RAPGEF4: variants seen among roughly 807,000 people sequenced by gnomAD.
RAPGEF4 encodes Rap guanine nucleotide exchange factor 4, also known as RAP guanine-nucleotide-exchange factor (GEF) 4.
Under a neutral mutation model 147.9 loss-of-function variants are expected in RAPGEF4, and 66 were observed. That is an observed-to-expected ratio of 0.45 (90% CI 0.37 to 0.55). RAPGEF4 has a LOEUF of 0.55. Ranked by LOEUF, RAPGEF4 falls within the 20% of genes least tolerant of loss-of-function variation. The pLI is 0.00. For missense variants in RAPGEF4, 1,071 were observed against 1,257.3 expected (o/e 0.85, Z 2.24); for synonymous variants, 419 against 442.7 (o/e 0.95, Z 0.67).
intron 1 of RAPGEF4, among the ~76,000 whole-genome samples, chr2:172,741,253 C>G (rs772310986): frequency 9.9e-5 from 15 of 152,244 alleles, no homozygotes; most frequent in Non-Finnish European, 2.1e-4. Flanking sequence ...ATTGTAATGG[C>G]CTGCTTACTT....
In RAPGEF4 at chr2:172,735,914, G is replaced by GGGCGGA; in HGVS notation, c.-65_-60dup. The GGGCGGA allele has an allele frequency of 2.3e-6, 3 of 1,314,644 alleles. No homozygotes were observed. The highest frequency in any genetic ancestry group is 3.4e-5 in the East Asian group (1 of 29,040). 81.4% of individuals were successfully genotyped at this position (1,314,644 alleles called of 1,614,324 possible). ...GGGGTCCGCGCGGCGGACGAGGCGG[G>GGGCGGA]GGCGGAGGCGCAGGCAGAGCGAGCG... is the stretch of plus-strand genomic sequence containing the variant. On this transcript the variant is annotated 5_prime_UTR_variant, in exon 1 of 31. Coordinates refer to ENST00000397081, the MANE Select transcript of RAPGEF4 (RefSeq NM_007023.4).
At chr2:172,952,222 C>G (rs897808292) in intron 6 of RAPGEF4, among the ~76,000 whole-genome samples, 2 of 152,016 alleles carry the variant, frequency 1.3e-5, no homozygotes, top group Non-Finnish European at 2.9e-5. Flanking sequence ...CATAGTGTTC[C>G]AGCCCTTTTG....
At position 173,020,696 on chromosome 2, in the gene RAPGEF4, G is replaced by T; in HGVS notation, c.2234G>T (p.Arg745Leu). The T allele has an allele frequency of 1.2e-6, 2 of 1,613,760 alleles. No individual in the cohort carries two copies. Among genetic ancestry groups the T allele is most frequent in the South Asian group, 1.1e-5 (1 of 91,010 alleles). Residue 745 changes from arginine to leucine, a missense_variant, in exon 23 of 31, where the codon CGA becomes CTA. Coordinates refer to ENST00000397081, the MANE Select transcript of RAPGEF4 (RefSeq NM_007023.4). Reference sequence around the variant, plus strand: ...AATGGACGCCTGTTTGCTTGCCCGCGAGAGCAATTCGATTCACTGGTAGGT... The same window carrying T: ...AATGGACGCCTGTTTGCTTGCCCGCTAGAGCAATTCGATTCACTGGTAGGT... ...TINGRLFACP[R>L]EQFDSLTPLP... is the part of the protein sequence containing the mutation.
intron 6 of RAPGEF4, among the ~76,000 whole-genome samples, chr2:172,933,251 G>A (rs1686175967): frequency 6.6e-6 from 1 of 152,036 alleles, no homozygotes; most frequent in Admixed American, 6.6e-5. Flanking sequence ...GAGTTGCAGT[G>A]GAGGGGTGGA....
At chr2:172,759,811 A>T (rs946042659) in intron 1 of RAPGEF4, among the ~76,000 whole-genome samples, 2 of 152,252 alleles carry the variant, frequency 1.3e-5, no homozygotes, top group Non-Finnish European at 2.9e-5. Context: ...ATTCTGGATA[A>T]GATGGAGTGG....
chr2:172,844,054 G>A (rs966200054), intron 4 of RAPGEF4, among the ~76,000 whole-genome samples: 2 of 152,230 alleles, frequency 1.3e-5, no homozygotes, highest in African/African-American at 4.8e-5. Context: ...TTTACATAAA[G>A]AAGAAGCTGA....
At chr2:172,835,958 T>C (rs1191756933) in intron 4 of RAPGEF4, among the ~76,000 whole-genome samples, 1 of 152,176 alleles carries the variant, frequency 6.6e-6, no homozygotes, top group Non-Finnish European at 1.5e-5. Flanking sequence ...TTGAGTATCA[T>C]TCTTCCAATC....
intron 4 of RAPGEF4, among the ~76,000 whole-genome samples, chr2:172,814,891 T>G (rs1157495567): frequency 6.6e-6 from 1 of 152,214 alleles, no homozygotes; most frequent in Non-Finnish European, 1.5e-5. Flanking sequence ...TGGAGGTACA[T>G]AAAGATGTCT....
At chr2:172,756,128 G>A (rs1695751910) in intron 1 of RAPGEF4, among the ~76,000 whole-genome samples, 2 of 152,298 alleles carry the variant, frequency 1.3e-5, no homozygotes, top group Admixed American at 6.5e-5. Context: ...TATTTCTATA[G>A]GACTCTGCTC....
chr2:172,823,544 A>C (rs745576438), intron 4 of RAPGEF4, among the ~76,000 whole-genome samples: 21 of 152,298 alleles, frequency 1.4e-4, no homozygotes, highest in Non-Finnish European at 2.5e-4. Context: ...GATACTGTTA[A>C]GCGCTTTATG....
intron 4 of RAPGEF4, among the ~76,000 whole-genome samples, chr2:172,821,420 C>T (rs16860931): frequency 0.011 from 1,716 of 152,282 alleles, 33 homozygotes; most frequent in African/African-American, 0.037. Context: ...TTTTGGCAAC[C>T]TTGGAGCTTG....
intron 4 of RAPGEF4, among the ~76,000 whole-genome samples, chr2:172,855,002 C>T (rs1203195035): frequency 3.3e-5 from 5 of 152,098 alleles, no homozygotes; most frequent in Non-Finnish European, 7.4e-5. Flanking sequence ...CTTTAAAGAA[C>T]ATAGCTTTGA....
At chr2:172,831,766 C>T (rs1690381501) in intron 4 of RAPGEF4, among the ~76,000 whole-genome samples, 1 of 151,944 alleles carries the variant, frequency 6.6e-6, no homozygotes, top group Non-Finnish European at 1.5e-5. Context: ...AAATTGGTAC[C>T]ATGCTAGTAA....
At chr2:172,966,894 C>T (rs1057314979) in intron 9 of RAPGEF4, among the ~76,000 whole-genome samples, 3 of 152,220 alleles carry the variant, frequency 2.0e-5, no homozygotes, top group Non-Finnish European at 4.4e-5. Flanking sequence ...AAAGCTGTGA[C>T]AGAACATGAC....
Position 173,024,062 on chromosome 2 carries a change from C to A in RAPGEF4, c.2254-2510C>A, listed in dbSNP as rs373318882. Among the ~76,000 whole-genome samples the A allele has an allele frequency of 2.0e-5, 3 of 152,036 alleles. No homozygotes were observed. The East Asian group carries it at 5.8e-4, about 29-fold the overall frequency. On this transcript the variant is annotated intron_variant, in intron 23 of 30. Coordinates refer to ENST00000397081, the MANE Select transcript of RAPGEF4 (RefSeq NM_007023.4). ...TGCCCATCAGCTTCGGTTCAGTTCC[C>A]TAAGATTTAAAACTTTGGAATCACT...
chr2:172,796,966 C>A (rs62168121), intron 2 of RAPGEF4, among the ~76,000 whole-genome samples: 1 of 151,974 alleles, frequency 6.6e-6, no homozygotes, highest in Non-Finnish European at 1.5e-5. Flanking sequence ...ATCTAAATAC[C>A]TAAATATTTT....
intron 15 of RAPGEF4, among the ~76,000 whole-genome samples, chr2:172,992,104 C>A (rs898555740): frequency 2.0e-4 from 30 of 152,056 alleles, no homozygotes; most frequent in African/African-American, 6.8e-4. Flanking sequence ...CTTACTATAA[C>A]AAAATATAGT....
chr2:172,869,423 G>A (rs559716449), intron 4 of RAPGEF4, among the ~76,000 whole-genome samples: 1 of 152,296 alleles, frequency 6.6e-6, no homozygotes, highest in Non-Finnish European at 1.5e-5. Flanking sequence ...TTCCCTGTGG[G>A]TAATTTTATG....
chr2:172,854,813 G>T (rs1693233778), intron 4 of RAPGEF4, among the ~76,000 whole-genome samples: 1 of 152,148 alleles, frequency 6.6e-6, no homozygotes, highest in Non-Finnish European at 1.5e-5. Flanking sequence ...GAGAGAGTTT[G>T]TTACCTGTGA....
Sources: gnomAD v4.1 joint callset for allele counts (sites outside exome capture counted in the v4.1 genomes callset) on GRCh38, gnomAD v4.1.1 for gene constraint, MANE v1.5 for transcripts, NCBI Gene and HGNC (gene_info 2026-07-23, HGNC 2026-07-21) for gene names.